The following SURF2 variants were observed in gnomAD, a reference collection of about 807,000 sequenced individuals.
SURF2 encodes surfeit 2, also known as surfeit locus protein 2.
In SURF2, 32 loss-of-function variants were observed where a neutral mutation model predicts 26.2. The observed-to-expected ratio is 1.22, with a 90% CI of 0.92 to 1.64. SURF2 has a LOEUF of 1.64. SURF2 is among the 40% of genes most tolerant of loss of function. The pLI is 0.00. For synonymous variants in SURF2, 173 were observed against 139.1 expected (o/e 1.24, Z -1.71); for missense variants, 415 against 341.6 (o/e 1.21, Z -1.69).
Position 133,360,137 on chromosome 9 carries a change from G to T in SURF2, c.517+8G>T. On this transcript the variant is annotated splice_region_variant and intron_variant, in intron 4 of 5. Transcript: ENST00000371964. ...TGACAGACCTGTACCCACGTAAGCA[G>T]AACAGGCCCTGCTTCTCCCTGACCC... 2 of 1,599,902 alleles carry T rather than the reference G, an allele frequency of 1.3e-6. No individual in the cohort carries two copies. The highest frequency in any genetic ancestry group is 1.7e-6 in the Non-Finnish European group (2 of 1,171,104).
chr9:133,359,960 T>C lies in SURF2; in HGVS notation c.348T>C (p.Cys116=). The change falls in exon 4 of 6, where the codon TGT becomes TGC. Residue 116 remains cysteine, a synonymous_variant. Transcript: ENST00000371964. ...YQRALCKYEE[C]QKQGVEYVPA... ...TGGCTTATCTCCCAGATGAAGAATG[T>C]CAGAAGCAAGGGGTGGAGTACGTGC... 1 of 1,610,106 alleles carries C rather than the reference T, an allele frequency of 6.2e-7. No homozygotes were observed. The highest frequency in any genetic ancestry group is 8.5e-7 in the Non-Finnish European group (1 of 1,177,738).
intron 3 of SURF2, among the ~76,000 whole-genome samples, chr9:133,358,989 G>A (rs2119094393): frequency 6.6e-6 from 1 of 152,362 alleles, no homozygotes; most frequent in Non-Finnish European, 1.5e-5. Flanking sequence ...CGGGCACCTT[G>A]CAGAGGCCTT....
chr9:133,357,987 A>C lies in SURF2; in HGVS notation c.337+173A>C, dbSNP rs2130037768. The stretch of plus-strand genomic sequence containing the variant: ...GATGGCCCCTGACCCCACAGCTTTT[A>C]GTGCAGGCAGGCACAGAGCCAGAAG... On this transcript the variant is annotated intron_variant, in intron 3 of 5. Transcript: ENST00000371964. 2.0e-5 allele frequency among the ~76,000 whole-genome samples: 3 copies of C among 152,294 alleles called. No homozygotes were observed. The Middle Eastern group carries it at 0.01, about 518-fold the overall frequency.
chr9:133,361,111 G>T lies in SURF2; in HGVS notation c.743G>T (p.Ser248Ile). 1 of 1,614,196 alleles carries T rather than the reference G, an allele frequency of 6.2e-7. No homozygotes were observed. Among genetic ancestry groups the T allele is most frequent in the Non-Finnish European group, 8.5e-7 (1 of 1,180,032 alleles). The change falls in exon 6 of 6, where the codon AGC becomes ATC. Residue 248 changes from serine to isoleucine, a missense_variant. Transcript: ENST00000371964. ...KFKSHHRKPKSFSSCKQPG is the reference protein window; with the variant it reads ...KFKSHHRKPKIFSSCKQPG The stretch of plus-strand genomic sequence containing the variant: ...AAGAGTCATCACCGCAAACCCAAGA[G>T]CTTCAGCTCCTGTAAACAGCCAGGT...
At chr9:133,360,513 T>C (rs2130052615) in intron 5 of SURF2, 79 bp downstream of exon 5, 1 of 1,419,736 alleles carries the variant, frequency 7.0e-7, no homozygotes, top group East Asian at 2.5e-5. Context: ...AAAAGAAAAC[T>C]GAACCTTTTT....
At chr9:133,358,724 C>T (rs2130040408) in intron 3 of SURF2, among the ~76,000 whole-genome samples, 1,925 of 152,248 alleles carry the variant, frequency 0.013, 32 homozygotes, top group African/African-American at 0.037. Flanking sequence ...GCAGGGACAC[C>T]TGGCTAGAGT....
chr9:133,361,073 GA>G lies in SURF2; in HGVS notation c.710del (p.Lys237ArgfsTer?), dbSNP rs2130057054. The stretch of plus-strand genomic sequence containing the variant: ...TCCCACAGAAGCAGTTGGGCTCGTT[GA>G]AAAAGAAGTTCAAGAGTCATCACCG... ...KRGKKQLGSL[K>X]KKFKSHHRKP... On this transcript the variant is annotated frameshift_variant, in exon 6 of 6. Transcript: ENST00000371964. LOFTEE classifies it high-confidence loss of function. 6.2e-7 allele frequency: 1 copy of G among 1,614,130 alleles called. No homozygotes were observed. Among genetic ancestry groups the G allele is most frequent in the East Asian group, 2.2e-5 (1 of 44,886 alleles).
intron 3 of SURF2, 69 bp downstream of exon 3, chr9:133,357,883 C>A: frequency 1.3e-6 from 2 of 1,499,634 alleles, no homozygotes; most frequent in South Asian, 1.2e-5. Flanking sequence ...CCAGATGGAG[C>A]GTGCTTGAAG....
chr9:133,357,077 T>C lies in SURF2; in HGVS notation c.233+9T>C, dbSNP rs782104205. The C allele has an allele frequency of 1.3e-6, 2 of 1,557,064 alleles. No individual in the cohort carries two copies. Among genetic ancestry groups the C allele is most frequent in the South Asian group, 2.4e-5 (2 of 84,618 alleles). On this transcript the variant is annotated intron_variant, in intron 2 of 5. Transcript: ENST00000371964. ...CCCAGCACCAAGAACCCGTAGGTGG[T>C]CCGCGGCGGCGCGGGGAGGCCCAGG...
Position 133,360,045 on chromosome 9 carries a change from C to G in SURF2, c.433C>G (p.Arg145Gly). The stretch of plus-strand genomic sequence containing the variant: ...GGACCAGATGGACGGTGACGGGCCT[C>G]GCCCGCGGGAAGCCTTCTGGGAGCC... ...REDQMDGDGP[R>G]PREAFWEPTS... The change falls in exon 4 of 6, where the codon CGC becomes GGC. Residue 145 changes from arginine to glycine, a missense_variant. Coordinates refer to ENST00000371964, the MANE Select transcript of SURF2 (RefSeq NM_017503.5). 1 of 1,614,018 alleles carries G rather than the reference C, an allele frequency of 6.2e-7. No individual in the cohort carries two copies. Among genetic ancestry groups the G allele is most frequent in the Non-Finnish European group, 8.5e-7 (1 of 1,179,948 alleles).
In SURF2 at chr9:133,360,003, CGGA is replaced by C. The variant is rs2130046110; in HGVS notation, c.403_405del (p.Arg135del). Reference sequence around the variant, plus strand: ...GTACGTGCCTGCCTGCCTGGTGCACCGGAGGAGGAGGAGGGAGGACCAGATGGA... The same window carrying C: ...GTACGTGCCTGCCTGCCTGGTGCACCGGAGGAGGAGGGAGGACCAGATGGA... On this transcript the variant is annotated inframe_deletion, in exon 4 of 6. Transcript: ENST00000371964. 2.5e-5 allele frequency: 40 copies of C among 1,611,534 alleles called. No homozygotes were observed. Among genetic ancestry groups the C allele is most frequent in the Admixed American group, 1.3e-4 (8 of 59,822 alleles).
At position 133,361,066 on chromosome 9, in the gene SURF2, G is replaced by A; in HGVS notation, c.698G>A (p.Gly233Asp). 6.2e-7 allele frequency: 1 copy of A among 1,614,142 alleles called. No homozygotes were observed. Among genetic ancestry groups the A allele is most frequent in the Non-Finnish European group, 8.5e-7 (1 of 1,180,000 alleles). ...TTGTTTATCCCACAGAAGCAGTTGG[G>A]CTCGTTGAAAAAGAAGTTCAAGAGT... ...LVQKRGKKQL[G>D]SLKKKFKSHH... Residue 233 changes from glycine to aspartate, a missense_variant, in exon 6 of 6, where the codon GGC becomes GAC. By Grantham distance (94) the Gly-to-Asp change is moderately conservative. Coordinates refer to ENST00000371964, the MANE Select transcript of SURF2 (RefSeq NM_017503.5).
chr9:133,358,901 G>A (rs1462823712), intron 3 of SURF2, among the ~76,000 whole-genome samples: 1 of 152,202 alleles, frequency 6.6e-6, no homozygotes, highest in African/African-American at 2.4e-5. Context: ...CTTCTGATGA[G>A]TGCGGAGAGG....
At chr9:133,357,115 GC>G (rs1475634233) in intron 2 of SURF2, 47 bp downstream of exon 2, 1 of 1,479,006 alleles carries the variant, frequency 6.8e-7, no homozygotes, top group Non-Finnish European at 9.0e-7. Context: ...AATTAGGACA[GC>G]CCCTCCGCTG....
At chr9:133,359,388 G>A (rs1023230492) in intron 3 of SURF2, among the ~76,000 whole-genome samples, 6 of 152,192 alleles carry the variant, frequency 3.9e-5, no homozygotes, top group Non-Finnish European at 8.8e-5. Context: ...TGGAGGGCAA[G>A]CCCCAGCAGA....
At chr9:133,357,345 C>CT (rs2119091449) in intron 2 of SURF2, 1 of 520,536 alleles carries the variant, frequency 1.9e-6, no homozygotes, top group East Asian at 3.2e-5. Context: ...GGGTTCTTCC[C>CT]TTAACCCCAG....
intron 3 of SURF2, 83 bp downstream of exon 3, chr9:133,357,897 G>T (rs1163330666): frequency 1.3e-5 from 18 of 1,389,952 alleles, no homozygotes; most frequent in Non-Finnish European, 1.6e-5. Flanking sequence ...CTTGAAGGCA[G>T]GTCGTCCTTC....
In SURF2 at chr9:133,357,697, T is replaced by TG. The variant is rs2130035573; in HGVS notation, c.234-14_234-13insG. The stretch of plus-strand genomic sequence containing the variant: ...GTGAACTGTCCCTACAAATTTGGTC[T>TG]CTCTGCTCTGTAGGCACCAGTTGTT... On this transcript the variant is annotated splice_polypyrimidine_tract_variant and intron_variant, in intron 2 of 5. Transcript: ENST00000371964. 15 of 1,613,386 alleles carry TG rather than the reference T, an allele frequency of 9.3e-6. No homozygotes were observed. The highest frequency in any genetic ancestry group is 1.3e-5 in the Non-Finnish European group (15 of 1,179,714).
At position 133,359,753 on chromosome 9, in the gene SURF2, T is replaced by C. The variant is rs117673173; in HGVS notation, c.338-197T>C. 3.3e-5 allele frequency among the ~76,000 whole-genome samples: 5 copies of C among 152,350 alleles called. No individual in the cohort carries two copies. The East Asian group carries it at 5.8e-4, about 18-fold the overall frequency. On this transcript the variant is annotated intron_variant, in intron 3 of 5. Transcript: ENST00000371964. Reference sequence around the variant, plus strand: ...AGACCTCTACCATCTTCTTGCCTCCTGGCTGCAGCCCTGGCCCACCACCCT... The same window carrying C: ...AGACCTCTACCATCTTCTTGCCTCCCGGCTGCAGCCCTGGCCCACCACCCT...
Sources: gnomAD v4.1 joint callset for allele counts (sites outside exome capture counted in the v4.1 genomes callset) on GRCh38, gnomAD v4.1.1 for gene constraint, MANE v1.5 for transcripts, NCBI Gene and HGNC (gene_info 2026-07-23, HGNC 2026-07-21) for gene names.